NALF1: variants seen among roughly 807,000 people sequenced by gnomAD.
The protein encoded by NALF1 is NALCN channel auxiliary factor 1.
In NALF1, 3 loss-of-function variants were observed where a neutral mutation model predicts 48.4. That is an observed-to-expected ratio of 0.06 (90% CI 0.03 to 0.16). The LOEUF is 0.16. Among genes scored for constraint, NALF1 ranks in the 10% least tolerant of loss-of-function variants. The probability of loss-of-function intolerance (pLI) is 1.00; values close to 1 mark genes in which losing one functional copy is unlikely to be tolerated. For synonymous variants in NALF1, 262 were observed against 245.7 expected (o/e 1.07, Z -0.62); for missense variants, 526 against 571.5 (o/e 0.92, Z 0.81).
At chr13:107,672,422 T>C (rs1881013736) in intron 1 of NALF1, among the ~76,000 whole-genome samples, 1 of 151,828 alleles carries the variant, frequency 6.6e-6, no homozygotes. Flanking sequence ...ATAGGGGAGG[T>C]GCTCCCTGTA....
intron 1 of NALF1, among the ~76,000 whole-genome samples, chr13:107,532,989 A>T (rs1041610593): frequency 1.3e-5 from 2 of 152,148 alleles, no homozygotes; most frequent in African/African-American, 4.8e-5. Flanking sequence ...AAAATTAAGA[A>T]TACATGCTAA....
At chr13:107,681,132 G>A (rs1288295328) in intron 1 of NALF1, among the ~76,000 whole-genome samples, 1 of 152,104 alleles carries the variant, frequency 6.6e-6, no homozygotes, top group African/African-American at 2.4e-5. Context: ...ATGACCCTAT[G>A]TTACAGGGCA....
chr13:107,471,078 T>C (rs1050525626), intron 1 of NALF1, among the ~76,000 whole-genome samples: 8 of 152,212 alleles, frequency 5.3e-5, no homozygotes, highest in African/African-American at 1.9e-4. Context: ...GTCACTCTTA[T>C]CCAAACCCAT....
At chr13:107,475,356 C>T (rs1398828199) in intron 1 of NALF1, among the ~76,000 whole-genome samples, 3 of 152,134 alleles carry the variant, frequency 2.0e-5, no homozygotes, top group Non-Finnish European at 2.9e-5. Flanking sequence ...AGAAACTGTA[C>T]TTTGAAGGTT....
intron 1 of NALF1, among the ~76,000 whole-genome samples, chr13:107,646,867 G>T (rs1880327085): frequency 6.6e-6 from 1 of 151,870 alleles, no homozygotes. Flanking sequence ...AATTCATATG[G>T]TGATTCTTTT....
intron 1 of NALF1, among the ~76,000 whole-genome samples, chr13:107,492,609 A>G (rs940878896): frequency 1.3e-5 from 2 of 152,164 alleles, no homozygotes; most frequent in African/African-American, 2.4e-5. Context: ...CTGCAATTCT[A>G]CAGTATTTTT....
At chr13:107,557,287 C>T (rs1212479920) in intron 1 of NALF1, among the ~76,000 whole-genome samples, 1 of 152,116 alleles carries the variant, frequency 6.6e-6, no homozygotes, top group Non-Finnish European at 1.5e-5. Flanking sequence ...AAGCACAGTC[C>T]ATGTTGAATT....
chr13:107,655,485 A>G (rs971401151), intron 1 of NALF1, among the ~76,000 whole-genome samples: 1 of 152,112 alleles, frequency 6.6e-6, no homozygotes, highest in Non-Finnish European at 1.5e-5. Flanking sequence ...GAAAACTACA[A>G]AACACTGCTG....
In NALF1 at chr13:107,362,211, G is replaced by A. The variant is rs9520401; in HGVS notation, c.916-151456C>T. On this transcript the variant is annotated intron_variant, in intron 1 of 2. Coordinates refer to ENST00000375915, the MANE Select transcript of NALF1 (RefSeq NM_001080396.3). This position sits in a 1 kb window ranked among gnomAD's most constrained non-coding sequence, Gnocchi z 4.6. Reference sequence around the variant, plus strand: ...AGGTTACCTGATGGTGGGGAAAAACGGGGTCAGGTGACAGCTTTATGATAT... The same window carrying A: ...AGGTTACCTGATGGTGGGGAAAAACAGGGTCAGGTGACAGCTTTATGATAT... Among the ~76,000 whole-genome samples the A allele has an allele frequency of 2.1e-3, 324 of 152,220 alleles. 2 individuals carry two copies. Among genetic ancestry groups the A allele is most frequent in the Non-Finnish European group, 3.5e-3 (238 of 68,014 alleles).
chr13:107,605,739 G>A (rs1879048783), intron 1 of NALF1, among the ~76,000 whole-genome samples: 2 of 152,170 alleles, frequency 1.3e-5, no homozygotes, highest in African/African-American at 4.8e-5. Flanking sequence ...CAAGGGTGTT[G>A]CAGATTAAAC....
chr13:107,773,829 G>C (rs1272105971), intron 1 of NALF1, among the ~76,000 whole-genome samples: 1 of 151,840 alleles, frequency 6.6e-6, no homozygotes, highest in Non-Finnish European at 1.5e-5. Flanking sequence ...GTATACATAT[G>C]TAACAAACCT....
In NALF1 at chr13:107,694,070, T is replaced by G. The variant is rs16970930; in HGVS notation, c.915+171612A>C. ...AGACAGAACTCTCCAGAAAAATACT[T>G]TTGGCTGCAAGTAGGAGAATTACTG... On this transcript the variant is annotated intron_variant, in intron 1 of 2. Transcript: ENST00000375915. Among the ~76,000 whole-genome samples the G allele has an allele frequency of 0.024, 3,577 of 152,188 alleles. 353 individuals are homozygous for G. The East Asian group carries it at 0.34, about 14-fold the overall frequency.
intron 1 of NALF1, among the ~76,000 whole-genome samples, chr13:107,419,412 C>T (rs997263673): frequency 3.3e-5 from 5 of 152,102 alleles, no homozygotes; most frequent in Non-Finnish European, 5.9e-5. Flanking sequence ...TAAAGCTAAT[C>T]CTGTCATGAA....
Position 107,237,418 on chromosome 13 carries a change from T to C in NALF1, c.916-26663A>G, listed in dbSNP as rs558498899. On this transcript the variant is annotated intron_variant, in intron 1 of 2. Coordinates refer to ENST00000375915, the MANE Select transcript of NALF1 (RefSeq NM_001080396.3). Reference sequence around the variant, plus strand: ...CTCACTTATAACCCAAAAACGTATATAGCTGTCCCTTGGCATCCTCAAGGG... The same window carrying C: ...CTCACTTATAACCCAAAAACGTATACAGCTGTCCCTTGGCATCCTCAAGGG... 3.3e-5 allele frequency among the ~76,000 whole-genome samples: 5 copies of C among 152,174 alleles called. 1 individual carries two copies. Among genetic ancestry groups the C allele is most frequent in the African/African-American group, 9.6e-5 (4 of 41,526 alleles).
intron 1 of NALF1, among the ~76,000 whole-genome samples, chr13:107,338,854 C>T (rs1303659826): frequency 6.6e-6 from 1 of 152,010 alleles, no homozygotes; most frequent in African/African-American, 2.4e-5. Context: ...GCTTGACGGC[C>T]GGGAGCTGTG....
intron 1 of NALF1, among the ~76,000 whole-genome samples, chr13:107,766,898 A>C (rs1200058311): frequency 6.6e-6 from 1 of 152,202 alleles, no homozygotes; most frequent in Non-Finnish European, 1.5e-5. Context: ...TCATATTTTC[A>C]TGTTAAAAAC....
Position 107,823,977 on chromosome 13 carries a change from G to GTTATTATTATTATTA in NALF1, c.915+41690_915+41704dup, listed in dbSNP as rs138189827. Among the ~76,000 whole-genome samples, 510 of 148,834 alleles carry GTTATTATTATTATTA rather than the reference G, an allele frequency of 3.4e-3. 2 individuals carry two copies. Among genetic ancestry groups the GTTATTATTATTATTA allele is most frequent in the African/African-American group, 6.1e-3 (246 of 40,644 alleles). ...GAAAATTTTCAATATTACCATTGCT[G>GTTATTATTATTATTA]TTATTATTATTATTATTATTATTAT... On this transcript the variant is annotated intron_variant, in intron 1 of 2. Transcript: ENST00000375915.
intron 1 of NALF1, among the ~76,000 whole-genome samples, chr13:107,478,057 A>C (rs145153476): frequency 8.6e-4 from 130 of 150,528 alleles, no homozygotes; most frequent in African/African-American, 2.7e-3. Context: ...TGCGTTTAAA[A>C]CTCTCCAGCC....
rs9559174 is a variant in NALF1 at position 107,851,050 on chromosome 13, G to A, written c.915+14632C>T. On this transcript the variant is annotated intron_variant, in intron 1 of 2. Transcript: ENST00000375915. ...CTAGGGAAGTTATCTGAATAAGATC[G>A]TGTAGTGTGTAGTAAAGGAAAATAT... Among the ~76,000 whole-genome samples, 1,517 of 152,274 alleles carry A rather than the reference G, an allele frequency of 1.0e-2. 52 individuals carry two copies. Among genetic ancestry groups the A allele is most frequent in the East Asian group, 0.068 (355 of 5,184 alleles).
Sources: gnomAD v4.1 joint callset for allele counts (sites outside exome capture counted in the v4.1 genomes callset) on GRCh38, gnomAD v4.1.1 for gene constraint, Gnocchi (gnomAD v3.1) non-coding constraint, MANE v1.5 for transcripts, NCBI Gene and HGNC (gene_info 2026-07-23, HGNC 2026-07-21) for gene names.